The following TEF variants were observed in gnomAD, a reference collection of about 807,000 sequenced individuals.
TEF encodes the protein TEF transcription factor, PAR bZIP family member.
A neutral mutation model predicts 20.8 loss-of-function variants in TEF; 3 were observed. The observed-to-expected ratio is 0.14, with a 90% CI of 0.07 to 0.37. The LOEUF (loss-of-function observed/expected upper bound fraction) is 0.37, where lower values mean the gene tolerates loss of function less well. Among genes scored for constraint, TEF ranks in the 10% least tolerant of loss-of-function variants. The pLI is 1.00. For synonymous variants in TEF, 180 were observed against 171.1 expected (o/e 1.05, Z -0.41); for missense variants, 296 against 397.9 (o/e 0.74, Z 2.18).
At chr22:41,381,856 C>T, upstream of TEF, 1 of 1,217,338 alleles carries the variant, frequency 8.2e-7, no homozygotes, top group Non-Finnish European at 1.0e-6. Context: ...GGAAGCTGGC[C>T]TGGCCTCATG....
intron 1 of TEF, among the ~76,000 whole-genome samples, chr22:41,370,602 A>G (rs1254688314): frequency 6.6e-6 from 1 of 150,686 alleles, no homozygotes; most frequent in Non-Finnish European, 1.5e-5. Flanking sequence ...TAGTAGAGAC[A>G]GGTTTCACCA....
Position 41,388,976 on chromosome 22 carries a change from A to G in TEF, c.475+1308A>G, listed in dbSNP as rs180717621. Among the ~76,000 whole-genome samples, 13 of 152,292 alleles carry G rather than the reference A, an allele frequency of 8.5e-5. No individual in the cohort carries two copies. In the South Asian group the frequency reaches 1.0e-3, roughly 12 times the overall value. ...CTCAGAAGCAGTTATTTTCAATCAA[A>G]TTATAAGTATTTCAATATGTATCTA... On this transcript the variant is annotated intron_variant, in intron 2 of 3. Transcript: ENST00000266304.
chr22:41,383,959 A>T (rs544194250), intron 1 of TEF, among the ~76,000 whole-genome samples: 2 of 152,236 alleles, frequency 1.3e-5, no homozygotes, highest in South Asian at 4.1e-4. Flanking sequence ...TGACTTTCTT[A>T]CTTCTCAGTT....
intron 1 of TEF, among the ~76,000 whole-genome samples, chr22:41,373,859 G>A (rs2145963861): frequency 6.6e-6 from 1 of 151,700 alleles, no homozygotes; most frequent in Non-Finnish European, 1.5e-5. Flanking sequence ...TGCCTCCAGG[G>A]TTCAAGCGAT....
intron 2 of TEF, among the ~76,000 whole-genome samples, chr22:41,389,133 G>T (rs1231214662): frequency 6.6e-6 from 1 of 152,158 alleles, no homozygotes. Context: ...GGGCGCAGTG[G>T]CTCACGTCTG....
At chr22:41,378,431 C>T (rs185015424), upstream of TEF, among the ~76,000 whole-genome samples, 102 of 151,180 alleles carry the variant, frequency 6.7e-4, 5 homozygotes, top group East Asian at 0.019. Flanking sequence ...CTGCAAGCTC[C>T]GCCTCCCGGG....
At chr22:41,373,137 A>C (rs1235483049) in intron 1 of TEF, among the ~76,000 whole-genome samples, 1 of 152,170 alleles carries the variant, frequency 6.6e-6, no homozygotes, top group East Asian at 1.9e-4. Context: ...TCCCCAGAAC[A>C]ACCCAAGCAG....
chr22:41,395,898 AAGG>A lies in TEF; in HGVS notation c.854_856del (p.Glu285del). 6.2e-7 allele frequency: 1 copy of A among 1,614,170 alleles called. No individual in the cohort carries two copies. Among genetic ancestry groups the A allele is most frequent in the Non-Finnish European group, 8.5e-7 (1 of 1,180,018 alleles). ...GCGGACGGAGGTGGCCGAGCTACGC[AAGG>A]AGGTGGGCAAGTGCAAGACCATCGT... is the stretch of plus-strand genomic sequence containing the variant. On this transcript the variant is annotated inframe_deletion, in exon 4 of 4. Transcript: ENST00000266304.
intron 1 of TEF, among the ~76,000 whole-genome samples, chr22:41,376,234 TTTTG>T (rs1162532445): frequency 6.6e-6 from 1 of 152,202 alleles, no homozygotes; most frequent in African/African-American, 2.4e-5. Context: ...TTTGTTCTGT[TTTTG>T]TTTTTTTGTT....
chr22:41,378,092 T>C (rs1255507252), upstream of TEF, among the ~76,000 whole-genome samples: 2 of 152,002 alleles, frequency 1.3e-5, no homozygotes, highest in African/African-American at 4.8e-5. Context: ...TGAGACTATA[T>C]AGGTATGATT....
chr22:41,394,398 C>G (rs1601826073), intron 3 of TEF, 82 bp downstream of exon 3: 2 of 1,324,434 alleles, frequency 1.5e-6, no homozygotes, highest in East Asian at 2.5e-5. Flanking sequence ...TTGATTTTAT[C>G]TGGAGAGCCT....
rs2037194130 is a variant in TEF at position 41,393,763 on chromosome 22, A to G, written c.476-333A>G. ...ACTCCAGCCTGGGCGACAGAGCAAG[A>G]CTCCCATCTCAAAAAAAAAAAAAAA... On this transcript the variant is annotated intron_variant, in intron 2 of 3. Transcript: ENST00000266304. Among the ~76,000 whole-genome samples the G allele has an allele frequency of 2.2e-5, 3 of 135,682 alleles. No individual in the cohort carries two copies. In the Admixed American group the frequency reaches 2.4e-4, roughly 11 times the overall value. 89.0% of individuals were successfully genotyped at this position (135,682 alleles called of 152,430 possible). A position where few individuals can be genotyped will look rare whatever the true frequency, so the allele number is the denominator to read the frequency against.
At chr22:41,384,786 C>T (rs886686490) in intron 1 of TEF, among the ~76,000 whole-genome samples, 3 of 152,072 alleles carry the variant, frequency 2.0e-5, no homozygotes, top group Admixed American at 1.3e-4. Flanking sequence ...GACTTTCGCC[C>T]TCGTTGTCCA....
At chr22:41,385,042 A>G (rs902041979) in intron 1 of TEF, among the ~76,000 whole-genome samples, 32 of 152,216 alleles carry the variant, frequency 2.1e-4, no homozygotes, top group African/African-American at 7.7e-4. Context: ...GCGTGATCCC[A>G]CTGCGCATGG....
In TEF at chr22:41,371,764, C is replaced by T. The variant is rs568738809; in HGVS notation, c.67+4165C>T. 5.3e-4 allele frequency among the ~76,000 whole-genome samples: 81 copies of T among 152,334 alleles called. 1 individual carries two copies. The highest frequency in any genetic ancestry group is 8.4e-4 in the Non-Finnish European group (57 of 68,038). On this transcript the variant is annotated intron_variant, in intron 1 of 3. Transcript: ENST00000406644. ...AAGTTGGTGTGTACACACACACACA[C>T]GGCTGTCTCCTTGGAAACACATGCT... is the stretch of plus-strand genomic sequence containing the variant.
Position 41,396,447 on chromosome 22 carries a change from ACATCTG to A in TEF, c.*488_*493del. On this transcript the variant is annotated 3_prime_UTR_variant, in exon 4 of 4. Coordinates refer to ENST00000266304, the MANE Select transcript of TEF (RefSeq NM_003216.4). ...ATTCTCCCCAGACAGTCTTTGAGTA[ACATCTG>A]TTCCCATCTTCCTTGGAAGCAGGAC... The A allele has an allele frequency of 2.4e-5, 4 of 165,576 alleles. No homozygotes were observed. The highest frequency in any genetic ancestry group is 1.8e-4 in the South Asian group (1 of 5,420). 10.3% of individuals were successfully genotyped at this position (165,576 alleles called of 1,614,324 possible). A position where few individuals can be genotyped will look rare whatever the true frequency, so the allele number is the denominator to read the frequency against.
intron 2 of TEF, among the ~76,000 whole-genome samples, chr22:41,388,080 C>G (rs548823202): frequency 1.1e-3 from 165 of 148,222 alleles, no homozygotes; most frequent in African/African-American, 4.0e-3. Context: ...TCACTGCCAC[C>G]TCCACCTCCT....
In TEF at chr22:41,397,463, C is replaced by T. The variant is rs1273038213; in HGVS notation, c.*1503C>T. 3.1e-5 allele frequency: 6 copies of T among 193,530 alleles called. No individual in the cohort carries two copies. The highest frequency in any genetic ancestry group is 4.6e-5 in the African/African-American group (2 of 43,342). The allele number at this position is 193,530 out of a possible 1,614,324, so 12.0% of individuals were successfully genotyped here. A position where few individuals can be genotyped will look rare whatever the true frequency, so the allele number is the denominator to read the frequency against. ...GGAGACAGAGGCGATGGGCGTGCTTCGTCCTCCGTAACACTGGCTTTATTT... is the reference window on the plus strand; with the variant it reads ...GGAGACAGAGGCGATGGGCGTGCTTTGTCCTCCGTAACACTGGCTTTATTT... On this transcript the variant is annotated 3_prime_UTR_variant, in exon 4 of 4. Coordinates refer to ENST00000266304, the MANE Select transcript of TEF (RefSeq NM_003216.4).
chr22:41,387,466 C>T lies in TEF; in HGVS notation c.273C>T (p.Gly91=), dbSNP rs762802821. The change falls in exon 2 of 4, where the codon GGC becomes GGT. Residue 91 remains glycine, a synonymous_variant. Transcript: ENST00000266304. ...GGGACAAGACCATCCCATATGATGG[C>T]GAATCTTTCCACCTGGAGTACATGG... ...PIWDKTIPYD[G]ESFHLEYMDL... 2.0e-5 allele frequency: 33 copies of T among 1,614,076 alleles called. No individual in the cohort carries two copies. In the African/African-American group the frequency reaches 2.4e-4, roughly 12 times the overall value.
Sources: allele counts gnomAD v4.1 joint callset (sites outside exome capture counted in the v4.1 genomes callset), GRCh38; gene constraint gnomAD v4.1.1; transcripts MANE v1.5; gene names NCBI Gene and HGNC (gene_info 2026-07-23, HGNC 2026-07-21).